Variants in GRIK1 observed in about 807,000 individuals in gnomAD.
GRIK1 encodes glutamate receptor ionotropic, kainate 1.
GRIK1 carries 69 observed loss-of-function variants against 105.7 expected under a neutral mutation model. The ratio of observed to expected loss-of-function variants is 0.65; its 90% confidence interval spans 0.54 to 0.80. The LOEUF (loss-of-function observed/expected upper bound fraction) is 0.80. Ranked by LOEUF, GRIK1 falls within the 30% of genes least tolerant of loss-of-function variation. The pLI, the probability that GRIK1 is intolerant of heterozygous loss-of-function variation, is 0.00. For missense variants in GRIK1, 1,109 were observed against 1,167.3 expected (o/e 0.95, Z 0.73); for synonymous variants, 438 against 431.3 (o/e 1.02, Z -0.19).
chr21:29,545,388 C>G (rs965521422), intron 16 of GRIK1, among the ~76,000 whole-genome samples: 3 of 152,222 alleles, frequency 2.0e-5, no homozygotes, highest in African/African-American at 7.2e-5. Flanking sequence ...GGCCCTCTAG[C>G]TTCCCTCTGG....
At chr21:29,904,550 G>C (rs1486255930) in intron 1 of GRIK1, among the ~76,000 whole-genome samples, 2 of 152,148 alleles carry the variant, frequency 1.3e-5, no homozygotes, top group Admixed American at 6.5e-5. Flanking sequence ...TTCTCTGACT[G>C]TTCAGCCCTC....
chr21:29,852,009 C>A (rs1481816359), intron 1 of GRIK1, among the ~76,000 whole-genome samples: 2 of 152,162 alleles, frequency 1.3e-5, no homozygotes, highest in Non-Finnish European at 2.9e-5. Flanking sequence ...TGATTTCTTA[C>A]CTCTATGGAA....
chr21:29,557,043 A>G (rs1478848181), intron 15 of GRIK1, among the ~76,000 whole-genome samples: 1 of 152,180 alleles, frequency 6.6e-6, no homozygotes, highest in African/African-American at 2.4e-5. Flanking sequence ...ATGCCACTGA[A>G]CTTTTAATTA....
intron 1 of GRIK1, chr21:29,861,653 G>A (rs1372190398): frequency 4.4e-6 from 2 of 453,568 alleles, no homozygotes; most frequent in African/African-American, 2.0e-5. Context: ...CTAACTTGCT[G>A]AGAATCTTTC....
intron 1 of GRIK1, among the ~76,000 whole-genome samples, chr21:29,936,629 T>C (rs1374526200): frequency 6.6e-6 from 1 of 152,240 alleles, no homozygotes; most frequent in Non-Finnish European, 1.5e-5. Flanking sequence ...GGCACCACTA[T>C]CCTACCGACC....
At chr21:29,762,296 C>T (rs1465766178) in intron 1 of GRIK1, among the ~76,000 whole-genome samples, 1 of 152,190 alleles carries the variant, frequency 6.6e-6, no homozygotes, top group African/African-American at 2.4e-5. Context: ...GAATAACATT[C>T]TGAGATCACC....
chr21:29,596,143 A>G (rs979793941), intron 9 of GRIK1: 1 of 356,344 alleles, frequency 2.8e-6, no homozygotes, highest in African/African-American at 2.1e-5. Context: ...TCATGGATCA[A>G]ATCTATTGTG....
At chr21:29,877,306 A>G (rs2069226198) in intron 1 of GRIK1, among the ~76,000 whole-genome samples, 3 of 152,280 alleles carry the variant, frequency 2.0e-5, no homozygotes, top group South Asian at 4.1e-4. Context: ...TTAATCATTT[A>G]TATAAATCTA....
At chr21:29,699,995 T>G (rs1481769897) in intron 1 of GRIK1, among the ~76,000 whole-genome samples, 1 of 152,178 alleles carries the variant, frequency 6.6e-6, no homozygotes, top group Admixed American at 6.5e-5. Flanking sequence ...TGAAAATAAT[T>G]TTAAAGGAAC....
intron 1 of GRIK1, among the ~76,000 whole-genome samples, chr21:29,790,762 C>T (rs1438590146): frequency 2.0e-5 from 3 of 152,188 alleles, no homozygotes; most frequent in Non-Finnish European, 4.4e-5. Flanking sequence ...CTAGTAGATT[C>T]ACCTTATTCA....
At chr21:29,620,796 T>G (rs1290608930) in intron 7 of GRIK1, among the ~76,000 whole-genome samples, 2 of 112,396 alleles carry the variant, frequency 1.8e-5, no homozygotes, top group African/African-American at 9.7e-5. Flanking sequence ...TATATATCTA[T>G]ATATATATAG....
intron 1 of GRIK1, among the ~76,000 whole-genome samples, chr21:29,859,218 G>T (rs757303605): frequency 2.6e-5 from 4 of 151,136 alleles, no homozygotes; most frequent in Admixed American, 6.6e-5. Flanking sequence ...GTTGTGGGGT[G>T]GGGGGAGGAG....
chr21:29,552,881 G>C (rs1044948017), intron 16 of GRIK1, among the ~76,000 whole-genome samples: 3 of 152,022 alleles, frequency 2.0e-5, no homozygotes, highest in Non-Finnish European at 2.9e-5. Flanking sequence ...ACTGTGTTCT[G>C]TTTCCATGAG....
At chr21:29,782,515 A>G (rs959355372) in intron 1 of GRIK1, among the ~76,000 whole-genome samples, 3 of 152,198 alleles carry the variant, frequency 2.0e-5, no homozygotes, top group African/African-American at 7.2e-5. Context: ...AGCACCCCCA[A>G]GATGGAGTAT....
intron 1 of GRIK1, among the ~76,000 whole-genome samples, chr21:29,932,935 A>C (rs950582392): frequency 6.6e-6 from 1 of 151,774 alleles, no homozygotes; most frequent in East Asian, 1.9e-4. Flanking sequence ...AAAAAACGAG[A>C]AAAAGAAAAG....
At chr21:29,753,671 CA>C (rs1380149614) in intron 1 of GRIK1, among the ~76,000 whole-genome samples, 1 of 152,160 alleles carries the variant, frequency 6.6e-6, no homozygotes, top group East Asian at 1.9e-4. Context: ...CAGATACTGG[CA>C]GGCTATTTTT....
intron 16 of GRIK1, among the ~76,000 whole-genome samples, chr21:29,539,648 T>C (rs2089937979): frequency 6.6e-6 from 1 of 152,248 alleles, no homozygotes; most frequent in African/African-American, 2.4e-5. Context: ...GTAATTGTGA[T>C]ATATAGTATT....
At chr21:29,801,088 A>G (rs1382600817) in intron 1 of GRIK1, among the ~76,000 whole-genome samples, 1 of 152,040 alleles carries the variant, frequency 6.6e-6, no homozygotes, top group Admixed American at 6.6e-5. Flanking sequence ...ACTGGTGTTG[A>G]GTACCTTGTT....
chr21:29,923,462 A>G (rs460917), intron 1 of GRIK1, among the ~76,000 whole-genome samples: 41,066 of 152,164 alleles, frequency 0.27, 7,328 homozygotes, highest in African/African-American at 0.51. Context: ...GATGTGACAG[A>G]AGTCTTTAAT....
Sources: gnomAD v4.1 joint callset for allele counts (sites outside exome capture counted in the v4.1 genomes callset) on GRCh38, gnomAD v4.1.1 for gene constraint, MANE v1.5 for transcripts, NCBI Gene and HGNC (gene_info 2026-07-23, HGNC 2026-07-21) for gene names.